RAD51B: variants seen among roughly 807,000 people sequenced by gnomAD.
The protein encoded by RAD51B is DNA repair protein RAD51 homolog 2.
Under a neutral mutation model 42.2 loss-of-function variants are expected in RAD51B, and 38 were observed. The observed-to-expected ratio is 0.90, with a 90% CI of 0.70 to 1.18. RAD51B has a LOEUF of 1.18. Ranked by LOEUF, RAD51B falls within the 50% of genes most tolerant of loss-of-function variation. The pLI is 0.00. For synonymous variants in RAD51B, 154 were observed against 145.2 expected (o/e 1.06, Z -0.43); for missense variants, 373 against 400.7 (o/e 0.93, Z 0.59).
At chr14:68,204,548 A>G (rs778140340) in intron 7 of RAD51B, among the ~76,000 whole-genome samples, 1 of 152,244 alleles carries the variant, frequency 6.6e-6, no homozygotes, top group African/African-American at 2.4e-5. Flanking sequence ...TATTGGAAAA[A>G]TGGCACTAAT....
intron 3 of RAD51B, among the ~76,000 whole-genome samples, chr14:67,830,137 G>T (rs1176459785): frequency 6.6e-6 from 1 of 152,190 alleles, no homozygotes; most frequent in Non-Finnish European, 1.5e-5. Flanking sequence ...GATGAAGCCA[G>T]AGAAGTAAGC....
At chr14:67,909,898 C>T (rs1299151606) in intron 7 of RAD51B, among the ~76,000 whole-genome samples, 2 of 152,158 alleles carry the variant, frequency 1.3e-5, no homozygotes, top group African/African-American at 4.8e-5. Flanking sequence ...TCAAGCCATC[C>T]TCCCATCTTG....
intron 8 of RAD51B, among the ~76,000 whole-genome samples, chr14:68,313,272 G>A (rs1215090985): frequency 6.6e-6 from 1 of 152,186 alleles, no homozygotes; most frequent in African/African-American, 2.4e-5. Flanking sequence ...GCCCCAAAGA[G>A]GGGTACAGCA....
chr14:68,620,088 G>A (rs148604542), intron 10 of RAD51B, among the ~76,000 whole-genome samples: 1 of 152,312 alleles, frequency 6.6e-6, no homozygotes, highest in African/African-American at 2.4e-5. Context: ...TCTGAGGTAA[G>A]ATTGATGCTT....
At chr14:67,918,316 C>A (rs2044220551) in intron 7 of RAD51B, among the ~76,000 whole-genome samples, 1 of 152,098 alleles carries the variant, frequency 6.6e-6, no homozygotes, top group Non-Finnish European at 1.5e-5. Flanking sequence ...CTCACTGCAA[C>A]CTCCACCTCC....
chr14:68,564,026 G>C, intron 10 of RAD51B: 1 of 807,158 alleles, frequency 1.2e-6, no homozygotes, highest in Non-Finnish European at 1.5e-6. Flanking sequence ...TTTCGGAACA[G>C]CTGGCCGCAC....
At chr14:68,119,294 C>CATTT (rs1327537907) in intron 7 of RAD51B, among the ~76,000 whole-genome samples, 1 of 148,534 alleles carries the variant, frequency 6.7e-6, no homozygotes, top group Non-Finnish European at 1.5e-5. Flanking sequence ...ACTATTTTAT[C>CATTT]ATTTATTTAT....
intron 9 of RAD51B, among the ~76,000 whole-genome samples, chr14:68,466,076 G>A (rs2085979855): frequency 6.6e-6 from 1 of 152,128 alleles, no homozygotes; most frequent in African/African-American, 2.4e-5. Context: ...TGACATGAAA[G>A]TGTAAATTCC....
intron 10 of RAD51B, among the ~76,000 whole-genome samples, chr14:68,484,592 C>T (rs982626570): frequency 6.6e-6 from 1 of 152,042 alleles, no homozygotes; most frequent in Non-Finnish European, 1.5e-5. Flanking sequence ...CTCCTGACCT[C>T]GTGATCCACC....
At chr14:68,433,191 T>C (rs549518768) in intron 9 of RAD51B, among the ~76,000 whole-genome samples, 5 of 152,302 alleles carry the variant, frequency 3.3e-5, no homozygotes, top group Admixed American at 2.6e-4. Context: ...TTTTTTCCTT[T>C]ATTTCAACTT....
intron 7 of RAD51B, among the ~76,000 whole-genome samples, chr14:68,273,678 T>A (rs1218773590): frequency 6.6e-6 from 1 of 151,946 alleles, no homozygotes; most frequent in African/African-American, 2.4e-5. Flanking sequence ...GAACAAGCAC[T>A]TCCATCATTT....
At chr14:68,380,040 A>G (rs1015496361) in intron 8 of RAD51B, among the ~76,000 whole-genome samples, 2 of 152,254 alleles carry the variant, frequency 1.3e-5, no homozygotes, top group African/African-American at 4.8e-5. Context: ...CTTCATTTTT[A>G]TATACACATT....
At position 68,430,060 on chromosome 14, in the gene RAD51B, A is replaced by C. The variant is rs1170566169; in HGVS notation, c.957+18533A>C. Among the ~76,000 whole-genome samples the C allele has an allele frequency of 3.3e-5, 5 of 151,988 alleles. No homozygotes were observed. In the East Asian group the frequency reaches 9.6e-4, roughly 29 times the overall value. On this transcript the variant is annotated intron_variant, in intron 9 of 10. Transcript: ENST00000471583. ...TTTGTCAAAGATCAGATGGTTGTAG[A>C]TGTGTGGTATTATTTCTGAGGGCTC...
intron 7 of RAD51B, among the ~76,000 whole-genome samples, chr14:68,194,448 A>G (rs2140911167): frequency 6.6e-6 from 1 of 152,304 alleles, no homozygotes; most frequent in Non-Finnish European, 1.5e-5. Context: ...ACTCTTAACT[A>G]TCAGGATCAA....
chr14:67,929,087 A>G (rs1038132204), intron 7 of RAD51B, among the ~76,000 whole-genome samples: 5 of 151,784 alleles, frequency 3.3e-5, no homozygotes, highest in African/African-American at 7.3e-5. Flanking sequence ...TCTCTATTTC[A>G]TTTAGTTCTG....
chr14:68,644,979 C>A (rs1892536101), intron 10 of RAD51B, among the ~76,000 whole-genome samples: 1 of 152,122 alleles, frequency 6.6e-6, no homozygotes, highest in Non-Finnish European at 1.5e-5. Context: ...TTCATTTTTT[C>A]ACTGTGTTAA....
chr14:68,517,136 T>G (rs919078826), intron 10 of RAD51B, among the ~76,000 whole-genome samples: 2 of 152,124 alleles, frequency 1.3e-5, no homozygotes, highest in African/African-American at 4.8e-5. Flanking sequence ...CAAGTGCTTT[T>G]CCTCCAGATG....
At chr14:68,672,571 T>C (rs1044626953) in intron 11 of RAD51B, among the ~76,000 whole-genome samples, 2 of 152,208 alleles carry the variant, frequency 1.3e-5, no homozygotes, top group African/African-American at 2.4e-5. Context: ...TGGATAATCA[T>C]TCCTGAGGCA....
chr14:68,003,653 G>T (rs908274462), intron 7 of RAD51B, among the ~76,000 whole-genome samples: 5 of 152,116 alleles, frequency 3.3e-5, no homozygotes, highest in African/African-American at 1.2e-4. Context: ...TTGGCTGTGG[G>T]TTTGTCATAC....
Sources: gnomAD v4.1 joint callset for allele counts (sites outside exome capture counted in the v4.1 genomes callset) on GRCh38, gnomAD v4.1.1 for gene constraint, MANE v1.5 for transcripts, NCBI Gene and HGNC (gene_info 2026-07-23, HGNC 2026-07-21) for gene names.